The following AVEN variants were observed in gnomAD, a reference collection of about 807,000 sequenced individuals.
AVEN encodes the protein apoptosis and caspase activation inhibitor.
AVEN carries 41 observed loss-of-function variants against 38.1 expected under a neutral mutation model. The observed-to-expected ratio is 1.08, with a 90% confidence interval of 0.84 to 1.40. The LOEUF is 1.40. AVEN is among the 40% of genes most tolerant of loss of function. The pLI is 0.00. For synonymous variants in AVEN, 206 were observed against 171.8 expected, an observed-to-expected ratio of 1.20 and a Z score of -1.56; for missense variants, 605 against 438.8, an observed-to-expected ratio of 1.38 and a Z score of -3.38.
intron 2 of AVEN, among the ~76,000 whole-genome samples, chr15:33,884,639 C>T (rs1891629651): frequency 6.6e-6 from 1 of 151,916 alleles, no homozygotes; most frequent in Non-Finnish European, 1.5e-5. Context: ...ATAGATAATA[C>T]AGCTGCCAAT....
chr15:34,057,253 C>A (rs1415666911), intron 5 of AVEN, among the ~76,000 whole-genome samples: 1 of 151,834 alleles, frequency 6.6e-6, no homozygotes, highest in Non-Finnish European at 1.5e-5. Flanking sequence ...TCTCCTGCCT[C>A]AGCATCCTGA....
intron 2 of AVEN, among the ~76,000 whole-genome samples, chr15:33,921,041 G>T (rs2153047965): frequency 6.6e-6 from 1 of 152,298 alleles, no homozygotes; most frequent in Non-Finnish European, 1.5e-5. Flanking sequence ...CTCCCAAAGT[G>T]CTGGGATTAC....
intron 2 of AVEN, among the ~76,000 whole-genome samples, chr15:33,970,328 T>C (rs918440881): frequency 1.3e-5 from 2 of 152,002 alleles, no homozygotes; most frequent in African/African-American, 2.4e-5. Context: ...ATAAGTCTTT[T>C]ACATCTGAAG....
chr15:33,917,431 T>C (rs1893186145), intron 2 of AVEN, among the ~76,000 whole-genome samples: 1 of 149,602 alleles, frequency 6.7e-6, no homozygotes, highest in Non-Finnish European at 1.5e-5. Context: ...ACACACTATA[T>C]ATATACACAC....
intron 4 of AVEN, among the ~76,000 whole-genome samples, chr15:33,869,303 T>C (rs1439180468): frequency 6.6e-6 from 1 of 152,234 alleles, no homozygotes; most frequent in African/African-American, 2.4e-5. Flanking sequence ...GAGAAATGTT[T>C]CTAAGTGATT....
At chr15:33,862,375 AT>A (rs11350081), downstream of AVEN, among the ~76,000 whole-genome samples, 145,314 of 151,036 alleles carry the variant, frequency 0.96, 69,962 homozygotes, top group East Asian at 1. Flanking sequence ...GCACCAGCTA[AT>A]TTTTTTTTTT....
At chr15:33,862,693 C>T (rs567215622), downstream of AVEN, among the ~76,000 whole-genome samples, 1 of 151,744 alleles carries the variant, frequency 6.6e-6, no homozygotes, top group African/African-American at 2.4e-5. Flanking sequence ...TCACTGTAGC[C>T]TCCACCTCCT....
intron 2 of AVEN, among the ~76,000 whole-genome samples, chr15:33,881,695 C>T (rs1335802684): frequency 1.3e-5 from 2 of 152,142 alleles, no homozygotes; most frequent in Non-Finnish European, 2.9e-5. Context: ...GGTGATTCAC[C>T]AAATGTGCTA....
intron 2 of AVEN, among the ~76,000 whole-genome samples, chr15:34,067,697 C>T (rs977593603): frequency 2.6e-5 from 4 of 152,184 alleles, no homozygotes; most frequent in Non-Finnish European, 5.9e-5. Context: ...GAGTAAAACG[C>T]TTTCCCTTCC....
intron 2 of AVEN, among the ~76,000 whole-genome samples, chr15:33,904,716 T>TACACACACACACAC (rs371204081): frequency 2.1e-5 from 3 of 143,290 alleles, no homozygotes; most frequent in African/African-American, 7.9e-5. Context: ...TATATATATA[T>TACACACACACACAC]ACACACACAC....
intron 2 of AVEN, among the ~76,000 whole-genome samples, chr15:33,903,656 AC>A (rs1421768711): frequency 6.6e-6 from 1 of 152,234 alleles, no homozygotes. Flanking sequence ...CAATATTAAC[AC>A]TTTGCATTGT....
downstream of AVEN, chr15:33,864,289 T>A (rs373710189): frequency 2.0e-5 from 18 of 893,422 alleles, no homozygotes; most frequent in East Asian, 5.4e-5. Context: ...ATGGCCCCAT[T>A]AATCCCGTGA....
intron 2 of AVEN, among the ~76,000 whole-genome samples, chr15:33,975,611 G>A (rs982468200): frequency 6.6e-6 from 1 of 152,232 alleles, no homozygotes; most frequent in Non-Finnish European, 1.5e-5. Context: ...AGAATTCAGT[G>A]TGAGAAAACA....
chr15:34,007,413 A>G (rs1300713777), intron 1 of AVEN, among the ~76,000 whole-genome samples: 2 of 152,360 alleles, frequency 1.3e-5, no homozygotes, highest in Admixed American at 1.3e-4. Context: ...TGTACAGAAC[A>G]TAATTCAGCC....
chr15:33,890,429 A>G (rs113631885), intron 2 of AVEN, among the ~76,000 whole-genome samples: 14 of 152,352 alleles, frequency 9.2e-5, no homozygotes, highest in African/African-American at 3.1e-4. Flanking sequence ...GAGCAAACGA[A>G]CAAGAATACA....
At chr15:34,026,033 C>T (rs534488062) in intron 1 of AVEN, among the ~76,000 whole-genome samples, 12 of 152,220 alleles carry the variant, frequency 7.9e-5, no homozygotes, top group African/African-American at 2.9e-4. Context: ...TCTGATAATA[C>T]ACAACAGTAA....
downstream of AVEN, among the ~76,000 whole-genome samples, chr15:33,861,779 G>C (rs1888321657): frequency 6.6e-6 from 1 of 152,122 alleles, no homozygotes; most frequent in Non-Finnish European, 1.5e-5. Context: ...CCCATGACCT[G>C]GGATATTTTT....
At chr15:33,856,812 C>G (rs186299194), downstream of AVEN, 1 of 152,286 alleles carries the variant, frequency 6.6e-6, no homozygotes, top group Non-Finnish European at 1.5e-5. Context: ...GCACACACCA[C>G]CACGCCAAGC....
chr15:34,068,493 CA>C (rs1900561872), intron 2 of AVEN, among the ~76,000 whole-genome samples: 1 of 152,236 alleles, frequency 6.6e-6, no homozygotes, highest in South Asian at 2.1e-4. Context: ...AGGCAGGAAC[CA>C]CCGCGTCTGA....
Sources: gnomAD v4.1 joint callset for allele counts (sites outside exome capture counted in the v4.1 genomes callset) on GRCh38, gnomAD v4.1.1 for gene constraint, MANE v1.5 for transcripts, NCBI Gene and HGNC (gene_info 2026-07-23, HGNC 2026-07-21) for gene names.